The following RNF145 variants were observed in gnomAD, a reference collection of about 807,000 sequenced individuals.
RNF145 encodes the protein ring finger protein 145.
RNF145 carries 12 observed loss-of-function variants against 57.3 expected under a neutral mutation model. The observed-to-expected ratio is 0.21, with a 90% confidence interval of 0.13 to 0.34. The LOEUF is 0.34. Ranked by LOEUF, RNF145 falls within the 10% of genes least tolerant of loss-of-function variation. The probability of loss-of-function intolerance (pLI) is 1.00; values close to 1 mark genes in which losing one functional copy is unlikely to be tolerated. For missense variants in RNF145, 429 were observed against 799.0 expected, an observed-to-expected ratio of 0.54 and a Z score of 5.58; for synonymous variants, 262 against 288.3, an observed-to-expected ratio of 0.91 and a Z score of 0.92.
intron 3 of RNF145, among the ~76,000 whole-genome samples, chr5:159,193,288 C>CT: frequency 6.6e-6 from 1 of 152,284 alleles, no homozygotes; most frequent in Admixed American, 6.5e-5. Context: ...GATTTTGCAA[C>CT]TTTGACATCA....
intron 1 of RNF145, among the ~76,000 whole-genome samples, chr5:159,204,903 A>C (rs1034334825): frequency 6.6e-5 from 10 of 151,956 alleles, no homozygotes; most frequent in Admixed American, 6.6e-4. Flanking sequence ...ATATCCTTTT[A>C]AGAATTTTGC....
chr5:159,195,198 C>G (rs915440691), intron 2 of RNF145, among the ~76,000 whole-genome samples: 4 of 152,062 alleles, frequency 2.6e-5, no homozygotes, highest in African/African-American at 4.8e-5. Context: ...CCAAGGCTGC[C>G]CCTTCCATGT....
chr5:159,190,611 AGTTCAAGGCTACAGTGAGC>A (rs993380857), intron 3 of RNF145, among the ~76,000 whole-genome samples: 5 of 147,618 alleles, frequency 3.4e-5, no homozygotes, highest in African/African-American at 5.0e-5. Flanking sequence ...GAAGTGCTTG[AGTTCAAGGCTACAGTGAGC>A]AATGACTGCA....
At chr5:159,193,995 C>T (rs1384115131) in intron 3 of RNF145, among the ~76,000 whole-genome samples, 3 of 152,194 alleles carry the variant, frequency 2.0e-5, no homozygotes, top group Non-Finnish European at 2.9e-5. Flanking sequence ...TATATTTTAA[C>T]ATTCTGTTGC....
At chr5:159,162,786 T>C (rs1784273479) in intron 9 of RNF145, 146 bp downstream of exon 9, 1 of 621,900 alleles carries the variant, frequency 1.6e-6, no homozygotes, top group African/African-American at 1.9e-5. Flanking sequence ...CTCAAATAAA[T>C]GTAATGTGTT....
At chr5:159,166,131 T>C (rs1302582195) in intron 8 of RNF145, among the ~76,000 whole-genome samples, 1 of 152,188 alleles carries the variant, frequency 6.6e-6, no homozygotes, top group Non-Finnish European at 1.5e-5. Context: ...TTCCTTTTGA[T>C]TGCATGTAAA....
chr5:159,167,634 G>C (rs1784429271), intron 8 of RNF145, among the ~76,000 whole-genome samples: 1 of 152,154 alleles, frequency 6.6e-6, no homozygotes, highest in South Asian at 2.1e-4. Flanking sequence ...GATCTACTAA[G>C]TGGCTATTTA....
At chr5:159,196,508 T>C (rs1785465711) in intron 2 of RNF145, among the ~76,000 whole-genome samples, 1 of 152,158 alleles carries the variant, frequency 6.6e-6, no homozygotes, top group Admixed American at 6.5e-5. Context: ...TTACAAATCT[T>C]TATTAAGGCA....
At chr5:159,170,400 T>C (rs752492546) in intron 6 of RNF145, among the ~76,000 whole-genome samples, 23 of 152,338 alleles carry the variant, frequency 1.5e-4, no homozygotes, top group African/African-American at 2.2e-4. Flanking sequence ...TCCAAGACTA[T>C]TGAAAAGTAA....
intron 3 of RNF145, among the ~76,000 whole-genome samples, chr5:159,190,560 G>C (rs755211284): frequency 1.3e-5 from 2 of 151,450 alleles, no homozygotes; most frequent in African/African-American, 4.9e-5. Flanking sequence ...GCATGGTGGC[G>C]TACACCTGTA....
intron 2 of RNF145, 129 bp downstream of exon 2, chr5:159,203,303 AAC>A: frequency 1.6e-6 from 1 of 640,096 alleles, no homozygotes. Context: ...AAGATTCATA[AAC>A]ACTCATCAAT....
intron 8 of RNF145, among the ~76,000 whole-genome samples, chr5:159,163,417 G>A (rs1157436446): frequency 6.6e-6 from 1 of 152,158 alleles, no homozygotes; most frequent in Non-Finnish European, 1.5e-5. Flanking sequence ...AGACAGGGAG[G>A]GAGTATTAGA....
chr5:159,188,343 G>A (rs1004006096), intron 3 of RNF145, among the ~76,000 whole-genome samples: 111 of 150,776 alleles, frequency 7.4e-4, no homozygotes, highest in African/African-American at 2.5e-3. Context: ...GCCATGAGCC[G>A]AAATCGTGCC....
At chr5:159,192,870 A>G (rs1244193023) in intron 3 of RNF145, among the ~76,000 whole-genome samples, 1 of 152,214 alleles carries the variant, frequency 6.6e-6, no homozygotes, top group African/African-American at 2.4e-5. Flanking sequence ...TAGAACAGTT[A>G]CTCCAGAGCT....
At chr5:159,175,644 A>G (rs1584678322) in intron 5 of RNF145, among the ~76,000 whole-genome samples, 2 of 152,250 alleles carry the variant, frequency 1.3e-5, no homozygotes, top group East Asian at 3.9e-4. Context: ...GACTGTAGAA[A>G]TAATCCCTTT....
At chr5:159,169,457 G>A in intron 7 of RNF145, among the ~76,000 whole-genome samples, 1 of 152,104 alleles carries the variant, frequency 6.6e-6, no homozygotes, top group East Asian at 1.9e-4. Flanking sequence ...GAAGGAAGGT[G>A]CCCAATATTC....
intron 8 of RNF145, among the ~76,000 whole-genome samples, chr5:159,164,570 C>T (rs1784333101): frequency 6.6e-6 from 1 of 151,886 alleles, no homozygotes; most frequent in African/African-American, 2.4e-5. Flanking sequence ...TACACACAAA[C>T]ATATACATAG....
chr5:159,202,911 G>C (rs1400204872), intron 2 of RNF145, among the ~76,000 whole-genome samples: 1 of 149,742 alleles, frequency 6.7e-6, no homozygotes, highest in Non-Finnish European at 1.5e-5. Flanking sequence ...TCTTGAAAGG[G>C]GATTCAAGCA....
chr5:159,169,658 A>G, intron 7 of RNF145, 21 bp downstream of exon 7: 2 of 1,554,040 alleles, frequency 1.3e-6, no homozygotes, highest in Non-Finnish European at 1.7e-6. Flanking sequence ...ATTTCTAGAT[A>G]TAATCAAGGA....
Sources: gnomAD v4.1 joint callset for allele counts (sites outside exome capture counted in the v4.1 genomes callset) on GRCh38, gnomAD v4.1.1 for gene constraint, MANE v1.5 for transcripts, NCBI Gene and HGNC (gene_info 2026-07-23, HGNC 2026-07-21) for gene names.